Variants in SEC14L4 observed in about 807,000 individuals in gnomAD.
SEC14L4 encodes SEC14-like protein 4.
In SEC14L4, 42 loss-of-function variants were observed where a neutral mutation model predicts 55.1. The observed-to-expected ratio is 0.76, with a 90% CI of 0.60 to 0.99. SEC14L4 has a LOEUF of 0.99. Ranked by LOEUF, SEC14L4 falls within the 50% of genes least tolerant of loss-of-function variation. The pLI, the probability that SEC14L4 is intolerant of heterozygous loss-of-function variation, is 0.00. For synonymous variants in SEC14L4, 206 were observed against 206.8 expected (o/e 1.00, Z 0.03); for missense variants, 445 against 512.1 (o/e 0.87, Z 1.27).
intron 2 of SEC14L4, 26 bp downstream of exon 2, chr22:30,503,651 C>T (rs369532779): frequency 9.7e-6 from 15 of 1,544,200 alleles, no homozygotes; most frequent in South Asian, 5.6e-5. Flanking sequence ...TCCCTTTCTG[C>T]GTCCCCTGAC....
chr22:30,492,527 A>G lies in SEC14L4; in HGVS notation c.611T>C (p.Leu204Ser), dbSNP rs753320232. Residue 204 changes from leucine (L) to serine (S), a missense_variant, in exon 8 of 12, where the codon TTG becomes TCG. Leu to Ser is a moderately radical substitution (Grantham distance 145). Coordinates refer to ENST00000255858, the MANE Select transcript of SEC14L4 (RefSeq NM_174977.4). ...APKLFPVAFNLVKSFMSEETR... is the reference protein window; with the variant it reads ...APKLFPVAFNSVKSFMSEETR... ...CTCCTCACTCATGAACGACTTGACC[A>G]AGTTGAAGGCCACGGGGAACAGTTT... is the stretch of plus-strand genomic sequence containing the variant. 2 of 1,613,932 alleles carry G rather than the reference A, an allele frequency of 1.2e-6. No homozygotes were observed. Among genetic ancestry groups the G allele is most frequent in the Non-Finnish European group, 1.7e-6 (2 of 1,179,916 alleles).
chr22:30,502,423 G>A (rs563370191), intron 2 of SEC14L4, among the ~76,000 whole-genome samples: 13 of 152,314 alleles, frequency 8.5e-5, no homozygotes, highest in East Asian at 5.8e-4. Context: ...CAAAGCCAGC[G>A]TTTTAAACCC....
At chr22:30,505,514 C>T in intron 1 of SEC14L4, 44 bp downstream of exon 1, 2 of 1,542,060 alleles carry the variant, frequency 1.3e-6, no homozygotes, top group South Asian at 2.4e-5. Flanking sequence ...TGCCAGGCTG[C>T]TCAGGGCCCC....
Position 30,494,155 on chromosome 22 carries a change from A to T in SEC14L4, c.575T>A (p.Ile192Asn). The stretch of plus-strand genomic sequence containing the variant: ...CATCCCGGTCATGGGCTTACCTCGA[A>T]TAACAATTAAATTCTTCAGGGTCTC... ...YPETLKNLIVIRAPKLFPVAF... is the reference protein window; with the variant it reads ...YPETLKNLIVNRAPKLFPVAF... Residue 192 changes from isoleucine to asparagine, a missense_variant, in exon 7 of 12, where the codon ATT (isoleucine) becomes AAT (asparagine). Ile to Asn is a moderately radical substitution (Grantham distance 149). Coordinates refer to ENST00000255858, the MANE Select transcript of SEC14L4 (RefSeq NM_174977.4). 6.2e-7 allele frequency: 1 copy of T among 1,613,164 alleles called. No individual in the cohort carries two copies. The highest frequency in any genetic ancestry group is 8.5e-7 in the Non-Finnish European group (1 of 1,179,126).
intron 2 of SEC14L4, among the ~76,000 whole-genome samples, chr22:30,501,832 T>TAC (rs1331625394): frequency 1.7e-5 from 2 of 118,568 alleles, no homozygotes; most frequent in African/African-American, 6.7e-5. Context: ...TATATATATA[T>TAC]ACACACACAC....
intron 2 of SEC14L4, among the ~76,000 whole-genome samples, chr22:30,499,874 GTT>G (rs59479529): frequency 7.0e-6 from 1 of 143,448 alleles, no homozygotes. Flanking sequence ...GAAATTAACT[GTT>G]TTTTTTTTTT....
Position 30,495,622 on chromosome 22 carries a change from T to C in SEC14L4, c.195A>G (p.Gln65=), listed in dbSNP as rs1438968649. Residue 65 remains glutamine, a synonymous_variant, in exon 4 of 12, where the codon CAA becomes CAG. Transcript: ENST00000255858. ...ATGTGACAATGTTGTCCAGGTCTTGTTGCTTCCGGAACTCCATGTGCTGCA... is the reference window on the plus strand; with the variant it reads ...ATGTGACAATGTTGTCCAGGTCTTGCTGCTTCCGGAACTCCATGTGCTGCA... ...MLRRHMEFRK[Q]QDLDNIVTWQ... 1.9e-6 allele frequency: 3 copies of C among 1,613,904 alleles called. No individual in the cohort carries two copies. The African/African-American group carries it at 4.0e-5, about 22-fold the overall frequency.
chr22:30,503,268 GT>G (rs746866054), intron 2 of SEC14L4, among the ~76,000 whole-genome samples: 2,835 of 144,680 alleles, frequency 0.02, 77 homozygotes, highest in African/African-American at 0.066. Flanking sequence ...TTGTTTTTTT[GT>G]TTTTTTTTTT....
At chr22:30,495,095 G>T in intron 5 of SEC14L4, 134 bp from the exon 6 acceptor site, 1 of 689,484 alleles carries the variant, frequency 1.5e-6, no homozygotes, top group Non-Finnish European at 2.2e-6. Flanking sequence ...CAGACAGATG[G>T]ACAACACCTC....
rs544607122 is a variant in SEC14L4 at position 30,495,758 on chromosome 22, T to C, written c.175-116A>G. On this transcript the variant is annotated intron_variant, in intron 3 of 11. Coordinates refer to ENST00000255858, the MANE Select transcript of SEC14L4 (RefSeq NM_174977.4). ...ACAGCATACCCAGGCTCTCAGAGCG[T>C]GGGGACAGGAGGTGGGCTGGGGGGA... 1.0e-4 allele frequency: 168 copies of C among 1,605,896 alleles called. 4 individuals carry two copies. In the South Asian group the frequency reaches 1.6e-3, roughly 15 times the overall value.
chr22:30,501,945 C>T (rs995593991), intron 2 of SEC14L4, among the ~76,000 whole-genome samples: 19 of 148,568 alleles, frequency 1.3e-4, no homozygotes, highest in Non-Finnish European at 2.5e-4. Context: ...CCGCTCACTG[C>T]AACCTCCGCC....
intron 2 of SEC14L4, among the ~76,000 whole-genome samples, chr22:30,498,767 T>A (rs1385827301): frequency 5.9e-5 from 9 of 152,160 alleles, no homozygotes; most frequent in Non-Finnish European, 1.3e-4. Context: ...CATTTTGTCT[T>A]ATAAGTAGGA....
intron 2 of SEC14L4, among the ~76,000 whole-genome samples, chr22:30,499,090 G>A (rs958651066): frequency 6.6e-6 from 1 of 151,890 alleles, no homozygotes; most frequent in South Asian, 2.1e-4. Flanking sequence ...ACAGGCACCC[G>A]CCACCACGCC....
intron 2 of SEC14L4, among the ~76,000 whole-genome samples, chr22:30,497,033 G>A (rs1423852684): frequency 1.3e-5 from 2 of 152,116 alleles, no homozygotes; most frequent in Non-Finnish European, 2.9e-5. Context: ...CTCTGATCAT[G>A]AAACAGTTCC....
intron 7 of SEC14L4, 132 bp from the exon 8 acceptor site, chr22:30,492,689 A>G: frequency 4.3e-6 from 3 of 698,574 alleles, no homozygotes; most frequent in Non-Finnish European, 7.7e-6. Flanking sequence ...TGTGACCTTC[A>G]GCAAGTTACC....
At chr22:30,502,145 C>T (rs920103100) in intron 2 of SEC14L4, among the ~76,000 whole-genome samples, 8 of 151,304 alleles carry the variant, frequency 5.3e-5, no homozygotes, top group Non-Finnish European at 1.0e-4. Flanking sequence ...GGATTACAAG[C>T]GTGAACCACA....
chr22:30,494,696 C>T (rs758772265), intron 6 of SEC14L4, among the ~76,000 whole-genome samples, 170 bp downstream of exon 6: 16 of 152,272 alleles, frequency 1.1e-4, no homozygotes, highest in Non-Finnish European at 2.2e-4. Flanking sequence ...ATCTTGCTCC[C>T]CTTTCTCCGT....
chr22:30,490,569 G>T (rs1294125205), intron 11 of SEC14L4, among the ~76,000 whole-genome samples: 1 of 152,234 alleles, frequency 6.6e-6, no homozygotes, highest in East Asian at 1.9e-4. Flanking sequence ...AGCTCCACCT[G>T]CAGGGAGGAG....
At chr22:30,497,791 A>T (rs2146188440) in intron 2 of SEC14L4, among the ~76,000 whole-genome samples, 1 of 152,302 alleles carries the variant, frequency 6.6e-6, no homozygotes, top group South Asian at 2.1e-4. Flanking sequence ...CTATATATTT[A>T]TTAAAATCAT....
Sources: allele counts gnomAD v4.1 joint callset (sites outside exome capture counted in the v4.1 genomes callset), GRCh38; gene constraint gnomAD v4.1.1; transcripts MANE v1.5; gene names NCBI Gene and HGNC (gene_info 2026-07-23, HGNC 2026-07-21).